SNAP47: variants seen among roughly 807,000 people sequenced by gnomAD.
The protein encoded by SNAP47 is synaptosome associated protein 47.
Under a neutral mutation model 31.4 loss-of-function variants are expected in SNAP47, and 20 were observed. The observed-to-expected ratio is 0.64, with a 90% confidence interval of 0.45 to 0.93. SNAP47 has a LOEUF of 0.93. SNAP47 is among the 40% of genes least tolerant of loss of function. The pLI is 0.00. For missense variants in SNAP47, 492 were observed against 528.5 expected (o/e 0.93, Z 0.68); for synonymous variants, 194 against 213.4 (o/e 0.91, Z 0.79).
chr1:227,752,185 C>A (rs1178099215), intron 2 of SNAP47, among the ~76,000 whole-genome samples: 1 of 152,204 alleles, frequency 6.6e-6, no homozygotes, highest in Non-Finnish European at 1.5e-5. Context: ...TGTGAAGTCA[C>A]CACCACAGTC....
chr1:227,751,228 C>T (rs563215007), intron 2 of SNAP47, among the ~76,000 whole-genome samples: 7 of 152,316 alleles, frequency 4.6e-5, no homozygotes, highest in Admixed American at 1.3e-4. Context: ...TGTTCACCTG[C>T]GTCGGCCTGC....
At chr1:227,733,861 T>C, upstream of SNAP47, 2 of 1,609,622 alleles carry the variant, frequency 1.2e-6, no homozygotes, top group Non-Finnish European at 1.7e-6. Flanking sequence ...CAGTCCGTTC[T>C]GTCACCAGGC....
rs935660311 is a variant in SNAP47 at position 227,763,363 on chromosome 1, G to A, written c.989-3596G>A. On this transcript the variant is annotated intron_variant, in intron 3 of 4. Coordinates refer to ENST00000617596, the MANE Select transcript of SNAP47 (RefSeq NM_053052.4). This position sits in a 1 kb window ranked among gnomAD's most constrained non-coding sequence, Gnocchi z 4.2. ...CTTCCAGCTCCCTGATGACAGCCTT[G>A]CCTGTACCTCTGCTTCCCCGGGCCG... Among the ~76,000 whole-genome samples the A allele has an allele frequency of 6.6e-6, 1 of 152,212 alleles. No individual in the cohort carries two copies. The highest frequency in any genetic ancestry group is 6.5e-5 in the Admixed American group (1 of 15,278).
upstream of SNAP47, chr1:227,733,612 C>T (rs1290850367): frequency 3.7e-6 from 6 of 1,604,926 alleles, no homozygotes; most frequent in Non-Finnish European, 5.1e-6. Context: ...GGAAGAGGAG[C>T]CACTTCTTCC....
upstream of SNAP47, chr1:227,732,260 A>G: frequency 9.3e-7 from 1 of 1,077,016 alleles, no homozygotes; most frequent in Non-Finnish European, 1.4e-6. Context: ...GGCAGTGGCC[A>G]TGAACAGCCA....
rs559410876 is a variant in SNAP47, at chr1:227,762,138, G to A, written c.988+2653G>A. On this transcript the variant is annotated intron_variant, in intron 3 of 4. Transcript: ENST00000617596. The surrounding 1 kb of genome is among the most constrained non-coding windows in gnomAD (Gnocchi z 4.2). ...GCCATCTTGCCATGTGGCACACACA[G>A]CACACAGTCCCACAGGGACCTGCTG... is the stretch of plus-strand genomic sequence containing the variant. 3.3e-5 allele frequency among the ~76,000 whole-genome samples: 5 copies of A among 152,364 alleles called. No homozygotes were observed. Among genetic ancestry groups the A allele is most frequent in the African/African-American group, 1.2e-4 (5 of 41,588 alleles).
At chr1:227,734,393 G>A (rs935485301), upstream of SNAP47, 2 of 240,116 alleles carry the variant, frequency 8.3e-6, no homozygotes, top group South Asian at 2.5e-4. Flanking sequence ...GAGTGGAGAC[G>A]CCTTCCTGTA....
upstream of SNAP47, chr1:227,733,370 T>G (rs750894986): frequency 1.4e-5 from 22 of 1,551,370 alleles, no homozygotes; most frequent in Non-Finnish European, 1.7e-5. Context: ...GCCGTCTTCC[T>G]GCAGGAAGGC....
rs559207660 is a variant in SNAP47 at position 227,768,019 on chromosome 1, A to T, written c.1113+936A>T. 5.3e-5 allele frequency among the ~76,000 whole-genome samples: 8 copies of T among 152,376 alleles called. No individual in the cohort carries two copies. The South Asian group carries it at 1.7e-3, about 32-fold the overall frequency. On this transcript the variant is annotated intron_variant, in intron 4 of 4. Coordinates refer to ENST00000617596, the MANE Select transcript of SNAP47 (RefSeq NM_053052.4). ...ATTTTTGAAGCTGTACTCAGTCATC[A>T]TATCACTTCATTTGTAAATATCTCC...
chr1:227,776,301 C>T, intron 4 of SNAP47: 2 of 992,382 alleles, frequency 2.0e-6, no homozygotes, highest in Non-Finnish European at 2.4e-6. Context: ...TTCAAGCACT[C>T]CTTGCTCTAT....
chr1:227,730,547 C>G (rs1410969275), upstream of SNAP47: 2 of 152,194 alleles, frequency 1.3e-5, no homozygotes, highest in African/African-American at 2.4e-5. Context: ...TCTCCCCCCA[C>G]AGAGCTTCTG....
At chr1:227,732,719 A>G (rs1660746983), upstream of SNAP47, 1 of 1,603,618 alleles carries the variant, frequency 6.2e-7, no homozygotes, top group Admixed American at 1.7e-5. Context: ...CCATGGACAC[A>G]GTCCAAGCTG....
At chr1:227,742,046 A>G (rs1661644409) in intron 1 of SNAP47, among the ~76,000 whole-genome samples, 1 of 147,076 alleles carries the variant, frequency 6.8e-6, no homozygotes, top group South Asian at 2.2e-4. Context: ...TATTATTATT[A>G]TACTTTAAGT....
intron 4 of SNAP47, among the ~76,000 whole-genome samples, chr1:227,771,636 C>G (rs893275110): frequency 1.3e-5 from 2 of 151,920 alleles, no homozygotes; most frequent in South Asian, 4.2e-4. Context: ...CGCCTGCTCA[C>G]CCGCCTCTGT....
At chr1:227,736,639 A>G (rs1182742747) in intron 1 of SNAP47, among the ~76,000 whole-genome samples, 2 of 148,282 alleles carry the variant, frequency 1.3e-5, no homozygotes, top group African/African-American at 5.0e-5. Flanking sequence ...AGCTGGGACT[A>G]CAGGCATGAG....
upstream of SNAP47, chr1:227,734,850 T>A (rs752622320): frequency 6.2e-7 from 1 of 1,611,886 alleles, no homozygotes; most frequent in South Asian, 1.1e-5. Context: ...GCCATCTCCC[T>A]GGGCCCCGTC....
intron 3 of SNAP47, among the ~76,000 whole-genome samples, chr1:227,759,898 G>T (rs975937057): frequency 6.6e-6 from 1 of 152,202 alleles, no homozygotes; most frequent in Non-Finnish European, 1.5e-5. Flanking sequence ...TGGGAAGCCT[G>T]GATGAATTCT....
chr1:227,755,039 G>C (rs1451410254), intron 2 of SNAP47, among the ~76,000 whole-genome samples: 1 of 151,932 alleles, frequency 6.6e-6, no homozygotes, highest in Non-Finnish European at 1.5e-5. Flanking sequence ...AAGAAGGAGG[G>C]GGTCAGACAT....
At chr1:227,743,869 T>G (rs945602197) in intron 1 of SNAP47, 4 of 152,234 alleles carry the variant, frequency 2.6e-5, no homozygotes, top group African/African-American at 9.6e-5. Flanking sequence ...GTAAGTCTCG[T>G]ATCTTATTGT....
Sources: allele counts gnomAD v4.1 joint callset (sites outside exome capture counted in the v4.1 genomes callset), GRCh38; gene constraint gnomAD v4.1.1; non-coding constraint Gnocchi (gnomAD v3.1); transcripts MANE v1.5; gene names NCBI Gene and HGNC (gene_info 2026-07-23, HGNC 2026-07-21).